The following PCLO variants were observed in gnomAD, a reference collection of about 807,000 sequenced individuals.
The protein encoded by PCLO is piccolo presynaptic cytomatrix protein.
A neutral mutation model predicts 427.5 loss-of-function variants in PCLO; 82 were observed. The ratio of observed to expected loss-of-function variants is 0.19; its 90% CI spans 0.16 to 0.23. The LOEUF (loss-of-function observed/expected upper bound fraction) is 0.23, where lower values mean the gene tolerates loss of function less well. Among genes scored for constraint, PCLO ranks in the 10% least tolerant of loss-of-function variants. The probability of loss-of-function intolerance (pLI) is 1.00; values close to 1 mark genes in which losing one functional copy is unlikely to be tolerated. For synonymous variants in PCLO, 2,357 were observed against 2,155.4 expected, an observed-to-expected ratio of 1.09 and a Z score of -2.59; for missense variants, 6,239 against 6,115.9, an observed-to-expected ratio of 1.02 and a Z score of -0.67.
chr7:82,953,139 G>A lies in PCLO; in HGVS notation c.7814C>T (p.Pro2605Leu), dbSNP rs763633017. ...SSASQAITSW[P>L]LGSPSKDLVS... ...CAGATCTTTGGAGGGTGATCCCAAG[G>A]GCCAACTGGTAATTGCTTGACTAGC... The change falls in exon 5 of 25, where the codon CCC (proline) becomes CTC (leucine). Residue 2605 changes from proline (P) to leucine (L), a missense_variant. Transcript: ENST00000333891. 1 of 1,613,940 alleles carries A rather than the reference G, an allele frequency of 6.2e-7. No homozygotes were observed. The highest frequency in any genetic ancestry group is 1.1e-5 in the South Asian group (1 of 91,076).
At chr7:82,778,669 C>T (rs1404639943) in intron 22 of PCLO, among the ~76,000 whole-genome samples, 4 of 151,804 alleles carry the variant, frequency 2.6e-5, no homozygotes, top group African/African-American at 9.7e-5. Context: ...TTTTTTGTTG[C>T]TTTTTACAAT....
Position 82,916,260 on chromosome 7 carries a change from A to G in PCLO, c.11726T>C (p.Phe3909Ser). 1 of 1,613,730 alleles carries G rather than the reference A, an allele frequency of 6.2e-7. No homozygotes were observed. Among genetic ancestry groups the G allele is most frequent in the East Asian group, 2.2e-5 (1 of 44,860 alleles). The change falls in exon 7 of 25, where the codon TTT becomes TCT. Residue 3909 changes from phenylalanine to serine, a missense_variant. Transcript: ENST00000333891. ...APTSYTQQSH[F>S]EQQTLYHQQV... ...CTGATGGTACAAAGTTTGTTGCTCA[A>G]AATGAGACTGTTGAGTGTATGAGGT...
intron 6 of PCLO, 91 bp downstream of exon 6, chr7:82,949,385 G>T: frequency 1.1e-6 from 1 of 924,568 alleles, no homozygotes. Flanking sequence ...AGGTTTCTAA[G>T]GTACCAGGAG....
At chr7:82,801,635 A>C in intron 21 of PCLO, 44 bp from the exon 22 acceptor site, 29 of 1,184,478 alleles carry the variant, frequency 2.4e-5, no homozygotes, top group Non-Finnish European at 3.4e-5. Context: ...TTATGATCTC[A>C]TGAATGCAAA....
chr7:83,117,392 T>C (rs1791161375), intron 3 of PCLO, among the ~76,000 whole-genome samples: 1 of 152,208 alleles, frequency 6.6e-6, no homozygotes, highest in Non-Finnish European at 1.5e-5. Flanking sequence ...TAGGTCTATA[T>C]ATTTAGCATT....
intron 16 of PCLO, among the ~76,000 whole-genome samples, chr7:82,829,667 T>A (rs1249503052): frequency 3.3e-5 from 5 of 152,252 alleles, no homozygotes; most frequent in African/African-American, 1.2e-4. Context: ...TATATACTTT[T>A]TAGATAAATT....
In PCLO at chr7:82,951,872, T is replaced by C; in HGVS notation, c.9081A>G (p.Ser3027=). ...CATACTGACCTGTAGTAACTCTCCCTGAAGTCAGATCTACTGCTGTGTCAG... is the reference window on the plus strand; with the variant it reads ...CATACTGACCTGTAGTAACTCTCCCCGAAGTCAGATCTACTGCTGTGTCAG... The part of the protein sequence containing the change: ...EGTDTAVDLT[S]GRVTTGEVMD... Residue 3027 remains serine (S), a synonymous_variant, in exon 5 of 25, where the codon TCA becomes TCG. Coordinates refer to ENST00000333891, the MANE Select transcript of PCLO (RefSeq NM_033026.6). 6.2e-7 allele frequency: 1 copy of C among 1,612,788 alleles called. No homozygotes were observed. Among genetic ancestry groups the C allele is most frequent in the African/African-American group, 1.3e-5 (1 of 75,018 alleles).
Position 83,162,856 on chromosome 7 carries a change from G to T in PCLO, c.-264C>A, listed in dbSNP as rs571194002. On this transcript the variant is annotated 5_prime_UTR_variant, in exon 1 of 25. Transcript: ENST00000333891. ...GAAGACACCTCCCGGACGCCGCCTCGGCGCCCCGAGCCGGGGAGAAGCAGA... is the reference window on the plus strand; with the variant it reads ...GAAGACACCTCCCGGACGCCGCCTCTGCGCCCCGAGCCGGGGAGAAGCAGA... 3.9e-6 allele frequency: 2 copies of T among 508,428 alleles called. No individual in the cohort carries two copies. Among genetic ancestry groups the T allele is most frequent in the Admixed American group, 3.9e-5 (1 of 25,552 alleles). 31.5% of individuals were successfully genotyped at this position (508,428 alleles called of 1,614,324 possible).
In PCLO at chr7:82,955,064, G is replaced by A. The variant is rs774542576; in HGVS notation, c.5889C>T (p.Asp1963=). ...EDYIYESLVE[D]TYNGSVDGSL... ...TGCCATCTACCGATCCATTGTACGT[G>A]TCTTCTACTAAAGATTCATAAATAT... is the stretch of plus-strand genomic sequence containing the variant. The change falls in exon 5 of 25, where the codon GAC becomes GAT. Residue 1963 remains aspartate (D), a synonymous_variant. Coordinates refer to ENST00000333891, the MANE Select transcript of PCLO (RefSeq NM_033026.6). 6.2e-7 allele frequency: 1 copy of A among 1,613,660 alleles called. No homozygotes were observed. The highest frequency in any genetic ancestry group is 8.5e-7 in the Non-Finnish European group (1 of 1,179,852).
chr7:82,888,165 A>G (rs117940079), intron 9 of PCLO, among the ~76,000 whole-genome samples: 1,781 of 152,200 alleles, frequency 0.012, 12 homozygotes, highest in Middle Eastern at 0.054. Context: ...GAGAAAGGAG[A>G]AATTCAGTGT....
intron 9 of PCLO, among the ~76,000 whole-genome samples, chr7:82,883,298 A>G (rs1793552549): frequency 6.6e-6 from 1 of 150,532 alleles, no homozygotes; most frequent in Non-Finnish European, 1.5e-5. Context: ...TATGTAGTTT[A>G]CACATTACTT....
chr7:83,024,524 G>T (rs902342260), intron 3 of PCLO, among the ~76,000 whole-genome samples: 2 of 152,172 alleles, frequency 1.3e-5, no homozygotes, highest in Non-Finnish European at 2.9e-5. Flanking sequence ...CAGCCAGGCT[G>T]GGGGAGGGGC....
Position 83,162,468 on chromosome 7 carries a change from T to G in PCLO, c.125A>C (p.Glu42Ala). ...TTCGCTCAGCTGGCTCAAATCCGCC[T>G]CCATGCCGGCCGGGATCGCGGTGTG... ...PSHTAIPAGM[E>A]ADLSQLSEEE... The change falls in exon 1 of 25, where the codon GAG becomes GCG. Residue 42 changes from glutamate to alanine, a missense_variant. This residue lies in a region of PCLO where 4,677 missense variants were observed against 4,468.4 expected (regional missense o/e 1.05). Coordinates refer to ENST00000333891, the MANE Select transcript of PCLO (RefSeq NM_033026.6). 6.3e-7 allele frequency: 1 copy of G among 1,587,510 alleles called. No individual in the cohort carries two copies. Among genetic ancestry groups the G allele is most frequent in the Non-Finnish European group, 8.6e-7 (1 of 1,166,806 alleles).
At chr7:83,090,984 C>A (rs924786070) in intron 3 of PCLO, among the ~76,000 whole-genome samples, 1 of 151,976 alleles carries the variant, frequency 6.6e-6, no homozygotes, top group Non-Finnish European at 1.5e-5. Context: ...ATTAGAAACA[C>A]AGTTTGTATA....
At chr7:82,841,605 G>A in intron 13 of PCLO, 96 bp from the exon 14 acceptor site, 1 of 757,154 alleles carries the variant, frequency 1.3e-6, no homozygotes, top group Admixed American at 2.4e-5. Flanking sequence ...TATTTGGTCA[G>A]AGCAACTGCT....
At position 83,134,842 on chromosome 7, in the gene PCLO, C is replaced by T. The variant is rs760090759; in HGVS notation, c.2708G>A (p.Arg903Lys). The change falls in exon 3 of 25, where the codon AGG becomes AAG. Residue 903 changes from arginine (R) to lysine (K), a missense_variant. Coordinates refer to ENST00000333891, the MANE Select transcript of PCLO (RefSeq NM_033026.6). ...ACTTCCCAGATTCAGACTGAAACGC[C>T]TTGACTGCTCCTGAGGCTTTGGGGA... ...QQSPKPQEQS[R>K]RFSLNLGSIT... The T allele has an allele frequency of 6.2e-7, 1 of 1,611,960 alleles. No homozygotes were observed. The highest frequency in any genetic ancestry group is 8.5e-7 in the Non-Finnish European group (1 of 1,178,798).
At chr7:82,820,716 C>G in intron 20 of PCLO, 1 of 1,231,060 alleles carries the variant, frequency 8.1e-7, no homozygotes, top group Non-Finnish European at 1.0e-6. Context: ...AAATAATAGG[C>G]AAAAAACACT....
At chr7:83,045,185 A>G (rs1372219082) in intron 3 of PCLO, among the ~76,000 whole-genome samples, 1 of 152,140 alleles carries the variant, frequency 6.6e-6, no homozygotes, top group Non-Finnish European at 1.5e-5. Flanking sequence ...TGGGTGGTAA[A>G]CTGTTACAGT....
intron 3 of PCLO, among the ~76,000 whole-genome samples, chr7:83,100,458 T>C (rs891408433): frequency 6.6e-6 from 1 of 152,222 alleles, no homozygotes; most frequent in Non-Finnish European, 1.5e-5. Flanking sequence ...ATATACATCA[T>C]GGAATACTAT....
Sources: gnomAD v4.1 joint callset for allele counts (sites outside exome capture counted in the v4.1 genomes callset) on GRCh38, gnomAD v4.1.1 for gene constraint, gnomAD v4.1.1 regional missense constraint, MANE v1.5 for transcripts, NCBI Gene and HGNC (gene_info 2026-07-23, HGNC 2026-07-21) for gene names.